Variants in FBXL13 observed in about 807,000 individuals in gnomAD.
FBXL13 encodes F-box and leucine rich repeat protein 13.
Under a neutral mutation model 83.6 loss-of-function variants are expected in FBXL13, and 67 were observed. The observed-to-expected ratio is 0.80, with a 90% confidence interval of 0.66 to 0.98. The LOEUF is 0.98. Among genes scored for constraint, FBXL13 ranks in the 50% least tolerant of loss-of-function variants. FBXL13 has a pLI of 0.00. For missense variants in FBXL13, 822 were observed against 866.5 expected, an observed-to-expected ratio of 0.95 and a Z score of 0.64; for synonymous variants, 272 against 299.5, an observed-to-expected ratio of 0.91 and a Z score of 0.95.
chr7:102,949,922 A>C (rs573335331), intron 8 of FBXL13, among the ~76,000 whole-genome samples: 1 of 152,206 alleles, frequency 6.6e-6, no homozygotes, highest in African/African-American at 2.4e-5. Context: ...CCTGGCCAAC[A>C]TGGCGAAATC....
At chr7:102,864,131 G>T (rs1327740127) in intron 16 of FBXL13, among the ~76,000 whole-genome samples, 1 of 152,108 alleles carries the variant, frequency 6.6e-6, no homozygotes, top group Admixed American at 6.5e-5. Context: ...GAATTGCTGT[G>T]CAGGGCACTC....
intron 2 of FBXL13, among the ~76,000 whole-genome samples, chr7:103,054,668 C>T (rs905715221): frequency 3.9e-5 from 6 of 152,046 alleles, no homozygotes; most frequent in African/African-American, 1.4e-4. Context: ...TTCCCTGTAA[C>T]CTAATCTGAG....
At chr7:102,931,777 A>C in intron 9 of FBXL13, 104 bp downstream of exon 10, 1 of 1,095,006 alleles carries the variant, frequency 9.1e-7, no homozygotes, top group Non-Finnish European at 1.3e-6. Context: ...TCTTTTCCAC[A>C]TTGAATCCCA....
intron 19 of FBXL13, chr7:102,814,564 C>G (rs1797736710): frequency 2.0e-5 from 3 of 152,182 alleles, no homozygotes; most frequent in South Asian, 4.1e-4. Flanking sequence ...AGGGAGGTAA[C>G]CAAAGCATTC....
exon 1 of FBXL13, chr7:103,074,362 T>C (rs1799412948): frequency 1.9e-6 from 2 of 1,035,106 alleles, no homozygotes; most frequent in South Asian, 3.4e-5. Flanking sequence ...GGCACTTCTT[T>C]CTCACTCCTC....
chr7:102,865,565 C>T (rs564384043), intron 16 of FBXL13, among the ~76,000 whole-genome samples: 4 of 151,988 alleles, frequency 2.6e-5, no homozygotes, highest in Admixed American at 6.6e-5. Flanking sequence ...TTGTTTGAGA[C>T]GGAGTCTTGC....
intron 6 of FBXL13, among the ~76,000 whole-genome samples, chr7:102,994,481 G>T (rs961171574): frequency 2.0e-5 from 3 of 151,990 alleles, no homozygotes; most frequent in African/African-American, 7.2e-5. Context: ...GAAAAACCAG[G>T]TCCTGCCCTC....
intron 19 of FBXL13, among the ~76,000 whole-genome samples, chr7:102,820,189 G>A (rs1019189279): frequency 6.6e-6 from 1 of 152,328 alleles, no homozygotes; most frequent in East Asian, 1.9e-4. Flanking sequence ...CAAGGGTGGA[G>A]CTTTCAGGGA....
intron 16 of FBXL13, among the ~76,000 whole-genome samples, chr7:102,875,387 G>A (rs1809084614): frequency 6.6e-6 from 1 of 152,104 alleles, no homozygotes; most frequent in South Asian, 2.1e-4. Flanking sequence ...GGAGAGGACA[G>A]GGGAAAAGAG....
intron 8 of FBXL13, chr7:102,944,806 G>A (rs754430548): frequency 1.4e-5 from 7 of 511,856 alleles, no homozygotes; most frequent in African/African-American, 2.0e-5. Context: ...GTCCATTTGT[G>A]GAACAGCATC....
chr7:102,923,469 A>T (rs1817487277), intron 10 of FBXL13, among the ~76,000 whole-genome samples: 1 of 152,216 alleles, frequency 6.6e-6, no homozygotes. Flanking sequence ...AAGAACACAG[A>T]TAAAGTAACA....
intron 8 of FBXL13, among the ~76,000 whole-genome samples, chr7:102,940,212 T>C (rs375944259): frequency 5.1e-5 from 7 of 137,274 alleles, no homozygotes; most frequent in Admixed American, 3.0e-4. Flanking sequence ...TGACTTTTTT[T>C]GTTTGTTTTT....
At chr7:102,828,753 T>C (rs1800154672) in intron 18 of FBXL13, among the ~76,000 whole-genome samples, 1 of 152,198 alleles carries the variant, frequency 6.6e-6, no homozygotes, top group Non-Finnish European at 1.5e-5. Flanking sequence ...ACCATATTAG[T>C]ATAAGAGAAA....
At chr7:102,854,163 CAT>C in intron 17 of FBXL13, among the ~76,000 whole-genome samples, 1 of 152,212 alleles carries the variant, frequency 6.6e-6, no homozygotes, top group East Asian at 1.9e-4. Context: ...AAATGTGGCA[CAT>C]ATACACCATG....
exon 15 of FBXL13, chr7:102,878,367 C>T (rs538332474): frequency 2.5e-6 from 4 of 1,609,458 alleles, no homozygotes; most frequent in Admixed American, 3.4e-5. Context: ...ATCACTTAGC[C>T]GCACACAGTT....
intron 17 of FBXL13, among the ~76,000 whole-genome samples, chr7:102,848,968 C>A (rs558541379): frequency 9.9e-5 from 15 of 152,162 alleles, no homozygotes; most frequent in Non-Finnish European, 1.6e-4. Flanking sequence ...CCATTGCACT[C>A]CAGCTTGGGC....
chr7:103,055,921 G>A (rs575710024), intron 1 of FBXL13, among the ~76,000 whole-genome samples, 174 bp from the exon 2 acceptor site: 1 of 152,004 alleles, frequency 6.6e-6, no homozygotes, highest in Non-Finnish European at 1.5e-5. Context: ...GTTCTTTAGC[G>A]GTGATTTGTG....
chr7:102,867,693 ATATTTT>A (rs1247968163), intron 16 of FBXL13, among the ~76,000 whole-genome samples: 100 of 66,432 alleles, frequency 1.5e-3, no homozygotes, highest in African/African-American at 9.1e-3. Flanking sequence ...ATATATATAT[ATATTTT>A]TTTTTTTTTT....
At chr7:102,921,346 A>G (rs572166285) in intron 10 of FBXL13, among the ~76,000 whole-genome samples, 4 of 152,346 alleles carry the variant, frequency 2.6e-5, no homozygotes, top group Admixed American at 2.6e-4. Flanking sequence ...TGATGTATCA[A>G]GAATTTATAT....
Sources: gnomAD v4.1 joint callset for allele counts (sites outside exome capture counted in the v4.1 genomes callset) on GRCh38, gnomAD v4.1.1 for gene constraint, MANE v1.5 for transcripts, NCBI Gene and HGNC (gene_info 2026-07-23, HGNC 2026-07-21) for gene names.